The following TNKS variants were observed in gnomAD, a reference collection of about 807,000 sequenced individuals.
TNKS encodes tankyrase.
Under a neutral mutation model 135.8 loss-of-function variants are expected in TNKS, and 72 were observed. That is an observed-to-expected ratio of 0.53 (90% CI 0.44 to 0.64). The LOEUF (loss-of-function observed/expected upper bound fraction) is 0.64. Ranked by LOEUF, TNKS falls within the 30% of genes least tolerant of loss-of-function variation. The pLI is 0.00. For missense variants in TNKS, 1,769 were observed against 1,674.0 expected (o/e 1.06, Z -0.99); for synonymous variants, 849 against 649.3 (o/e 1.31, Z -4.68).
chr8:9,652,734 A>G (rs1801191108), intron 3 of TNKS, among the ~76,000 whole-genome samples: 1 of 152,178 alleles, frequency 6.6e-6, no homozygotes, highest in African/African-American at 2.4e-5. Context: ...GAATCACATT[A>G]TTATCATCAT....
chr8:9,618,463 G>C (rs1345683108), intron 3 of TNKS, among the ~76,000 whole-genome samples: 1 of 152,206 alleles, frequency 6.6e-6, no homozygotes, highest in East Asian at 1.9e-4. Flanking sequence ...TATTGTGTAA[G>C]TGAATGGTAG....
intron 2 of TNKS, among the ~76,000 whole-genome samples, chr8:9,604,132 C>G (rs999487802): frequency 6.6e-6 from 1 of 152,018 alleles, no homozygotes; most frequent in African/African-American, 2.4e-5. Flanking sequence ...TAGATTATGC[C>G]TTAGTTGCAG....
chr8:9,608,354 C>G (rs1425983738), intron 2 of TNKS, among the ~76,000 whole-genome samples: 1 of 151,504 alleles, frequency 6.6e-6, no homozygotes, highest in East Asian at 1.9e-4. Flanking sequence ...TTTGTAGATC[C>G]TGGCTCTCTG....
intron 26 of TNKS, among the ~76,000 whole-genome samples, chr8:9,770,537 A>G (rs1421387062): frequency 6.6e-6 from 1 of 152,258 alleles, no homozygotes; most frequent in Non-Finnish European, 1.5e-5. Flanking sequence ...TGAGGCCTGC[A>G]GCTCTGAACT....
At chr8:9,743,034 G>C (rs1041015960) in intron 17 of TNKS, among the ~76,000 whole-genome samples, 2 of 151,930 alleles carry the variant, frequency 1.3e-5, no homozygotes, top group Admixed American at 1.3e-4. Flanking sequence ...GAAATCATAG[G>C]ACTCCAGTCT....
Position 9,580,330 on chromosome 8 carries a change from A to T in TNKS, c.845A>T (p.Asn282Ile). 6.2e-7 allele frequency: 1 copy of T among 1,614,194 alleles called. No individual in the cohort carries two copies. The highest frequency in any genetic ancestry group is 1.1e-5 in the South Asian group (1 of 91,076). Residue 282 changes from asparagine (N) to isoleucine (I), a missense_variant, in exon 2 of 27, where the codon AAC becomes ATC. Physicochemically the swap from Asn to Ile is moderately radical, Grantham distance 149. Transcript: ENST00000310430. The stretch of plus-strand genomic sequence containing the variant: ...GATCCAAATGCCAGGGATAACTGGA[A>T]CTATACACCTCTGCATGAAGCTGCT... ...GADPNARDNW[N>I]YTPLHEAAIK... is the part of the protein sequence containing the mutation.
At chr8:9,727,346 T>A (rs1805212495) in intron 13 of TNKS, among the ~76,000 whole-genome samples, 1 of 152,238 alleles carries the variant, frequency 6.6e-6, no homozygotes, top group Non-Finnish European at 1.5e-5. Context: ...TATGCTTTTT[T>A]AAAACACACA....
intron 20 of TNKS, among the ~76,000 whole-genome samples, chr8:9,757,003 G>C (rs966586038): frequency 2.6e-5 from 4 of 152,030 alleles, no homozygotes; most frequent in Non-Finnish European, 5.9e-5. Context: ...TTGAGATGGA[G>C]TCTAGCTCTG....
At chr8:9,628,598 G>T (rs929303724) in intron 3 of TNKS, among the ~76,000 whole-genome samples, 1 of 151,842 alleles carries the variant, frequency 6.6e-6, no homozygotes, top group Non-Finnish European at 1.5e-5. Context: ...TATGAGAAAG[G>T]CCCAGGTTAA....
chr8:9,615,758 T>G, intron 3 of TNKS, 81 bp downstream of exon 3: 3 of 1,185,994 alleles, frequency 2.5e-6, no homozygotes, highest in Non-Finnish European at 2.4e-6. Flanking sequence ...ATGCTGAATT[T>G]TTCTTTTCAC....
Position 9,764,789 on chromosome 8 carries a change from G to T in TNKS, c.3446G>T (p.Arg1149Leu), listed in dbSNP as rs139110221. Residue 1149 changes from arginine to leucine, a missense_variant and splice_region_variant, in exon 23 of 27, where the codon CGA becomes CTA. By Grantham distance (102) the Arg-to-Leu change is moderately radical. Around this residue, in one of 5 missense-constraint regions of TNKS, gnomAD observed 722 missense variants for 688.9 expected, o/e 1.05. Transcript: ENST00000310430. ...GGIFNRYNVI[R>L]IQKVVNKKLR... is the part of the protein sequence containing the mutation. ...ATCTTCAACAGATACAATGTCATTC[G>T]AGTAAGTTTTTAAAGTTTCATGGTG... 4 of 1,585,866 alleles carry T rather than the reference G, an allele frequency of 2.5e-6. No homozygotes were observed. The highest frequency in any genetic ancestry group is 2.6e-6 in the Non-Finnish European group (3 of 1,168,100).
In TNKS at chr8:9,750,402, A is replaced by C. The variant is rs185285898; in HGVS notation, c.2833-1207A>C. 2.1e-3 allele frequency among the ~76,000 whole-genome samples: 326 copies of C among 152,362 alleles called. 1 individual carries two copies. The highest frequency in any genetic ancestry group is 4.0e-3 in the Non-Finnish European group (274 of 68,036). ...TCTCTTCCTGTACCTTATCATGGGC[A>C]GATAAACACACCAGTCCAGTTGACA... On this transcript the variant is annotated intron_variant, in intron 18 of 26. Coordinates refer to ENST00000310430, the MANE Select transcript of TNKS (RefSeq NM_003747.3).
chr8:9,628,845 C>G (rs1800171046), intron 3 of TNKS, among the ~76,000 whole-genome samples: 1 of 152,152 alleles, frequency 6.6e-6, no homozygotes, highest in Non-Finnish European at 1.5e-5. Flanking sequence ...CTTTATCTCC[C>G]TATCCAACCC....
At chr8:9,728,726 C>G (rs765431452) in intron 13 of TNKS, among the ~76,000 whole-genome samples, 1 of 152,086 alleles carries the variant, frequency 6.6e-6, no homozygotes, top group African/African-American at 2.4e-5. Flanking sequence ...GCCACAGACT[C>G]ATTTGTCATG....
chr8:9,648,732 G>A (rs1801016154), intron 3 of TNKS, among the ~76,000 whole-genome samples: 1 of 152,098 alleles, frequency 6.6e-6, no homozygotes, highest in Admixed American at 6.5e-5. Context: ...TGGGACTACT[G>A]TTGTATATGT....
intron 5 of TNKS, among the ~76,000 whole-genome samples, chr8:9,693,713 G>A (rs966457165): frequency 6.6e-6 from 1 of 152,192 alleles, no homozygotes; most frequent in Admixed American, 6.5e-5. Context: ...GAACACATGA[G>A]TTCAGAGAGG....
intron 20 of TNKS, among the ~76,000 whole-genome samples, chr8:9,753,048 A>G (rs1185823990): frequency 1.3e-5 from 2 of 152,048 alleles, no homozygotes; most frequent in East Asian, 3.8e-4. Context: ...TTAAACCCAC[A>G]ACACATTTCT....
chr8:9,559,590 C>T (rs190873329), intron 1 of TNKS, among the ~76,000 whole-genome samples: 3,455 of 138,406 alleles, frequency 0.025, 72 homozygotes, highest in African/African-American at 0.069. Context: ...TGATTTTCAG[C>T]CTCCCCCATC....
intron 13 of TNKS, among the ~76,000 whole-genome samples, chr8:9,727,835 C>G (rs1805238801): frequency 6.6e-6 from 1 of 152,146 alleles, no homozygotes. Context: ...ACGATAGCAT[C>G]TAAGTTATTT....
Sources: gnomAD v4.1 joint callset for allele counts (sites outside exome capture counted in the v4.1 genomes callset) on GRCh38, gnomAD v4.1.1 for gene constraint, gnomAD v4.1.1 regional missense constraint, MANE v1.5 for transcripts, NCBI Gene and HGNC (gene_info 2026-07-23, HGNC 2026-07-21) for gene names.